DNAH14: variants seen among roughly 807,000 people sequenced by gnomAD.
DNAH14 encodes dynein axonemal heavy chain 14.
In DNAH14, 478 loss-of-function variants were observed where a neutral mutation model predicts 520.9. The ratio of observed to expected loss-of-function variants is 0.92; its 90% CI spans 0.85 to 0.99. The LOEUF is 0.99. DNAH14 is among the 50% of genes least tolerant of loss of function. DNAH14 has a pLI of 0.00. For synonymous variants in DNAH14, 1,581 were observed against 1,757.2 expected, an observed-to-expected ratio of 0.90 and a Z score of 2.51; for missense variants, 4,831 against 5,234.5, an observed-to-expected ratio of 0.92 and a Z score of 2.38.
At chr1:224,981,630 A>G (rs921731868) in intron 8 of DNAH14, among the ~76,000 whole-genome samples, 2 of 152,092 alleles carry the variant, frequency 1.3e-5, no homozygotes, top group African/African-American at 4.8e-5. Context: ...GTCAGTTGTA[A>G]TATCTCCTGT....
intron 31 of DNAH14, among the ~76,000 whole-genome samples, chr1:225,150,183 G>A (rs755822352): frequency 6.6e-6 from 1 of 152,106 alleles, no homozygotes; most frequent in Non-Finnish European, 1.5e-5. Flanking sequence ...TTTTGTTTAT[G>A]TAATGAATAT....
chr1:224,997,266 A>G (rs1262957647), intron 8 of DNAH14, among the ~76,000 whole-genome samples: 1 of 152,106 alleles, frequency 6.6e-6, no homozygotes, highest in Non-Finnish European at 1.5e-5. Context: ...TGGGAAGCAT[A>G]TCAGAATGCC....
intron 7 of DNAH14, chr1:224,969,281 G>T (rs966499008): frequency 5.8e-6 from 1 of 173,216 alleles, no homozygotes; most frequent in Non-Finnish European, 1.2e-5. Context: ...CCCTACAGTT[G>T]ACTCTGGAAC....
chr1:224,989,507 C>T (rs10915757), intron 8 of DNAH14, among the ~76,000 whole-genome samples: 2 of 151,934 alleles, frequency 1.3e-5, no homozygotes, highest in Non-Finnish European at 2.9e-5. Context: ...TATTGGTTAT[C>T]TGTAAATAGG....
At chr1:225,227,651 T>C (rs1334129434) in intron 41 of DNAH14, among the ~76,000 whole-genome samples, 1 of 152,140 alleles carries the variant, frequency 6.6e-6, no homozygotes, top group Non-Finnish European at 1.5e-5. Flanking sequence ...AGTTTCATAG[T>C]CACATCCCAT....
intron 84 of DNAH14, among the ~76,000 whole-genome samples, chr1:225,394,788 G>A (rs1192620581): frequency 2.6e-5 from 4 of 151,244 alleles, no homozygotes; most frequent in South Asian, 4.2e-4. Context: ...AGGTTGCAGT[G>A]AGCAGAGATC....
chr1:224,946,686 T>C (rs2059855593), intron 1 of DNAH14, among the ~76,000 whole-genome samples: 1 of 152,190 alleles, frequency 6.6e-6, no homozygotes, highest in African/African-American at 2.4e-5. Context: ...GTTTTTAAGT[T>C]ATTCACTATC....
intron 4 of DNAH14, among the ~76,000 whole-genome samples, chr1:224,962,180 A>G (rs1020305595): frequency 6.6e-6 from 1 of 152,138 alleles, no homozygotes; most frequent in African/African-American, 2.4e-5. Flanking sequence ...CCTCTGGTGT[A>G]CATGCTTTGT....
chr1:225,184,322 TAAA>T (rs2084408355), intron 36 of DNAH14, among the ~76,000 whole-genome samples: 1 of 151,648 alleles, frequency 6.6e-6, no homozygotes, highest in Non-Finnish European at 1.5e-5. Flanking sequence ...TAAACAGAAT[TAAA>T]AACCATATGA....
rs1221589526 is a variant in DNAH14, at chr1:225,104,786, A to G, written c.3867+3902A>G. ...TTGATTCTTCTCTCTTTTCTTCTCT[A>G]TTAGTCTTGCTAGCGGTCTATCAAT... is the stretch of plus-strand genomic sequence containing the variant. On this transcript the variant is annotated intron_variant, in intron 23 of 85. Transcript: ENST00000682510. Among the ~76,000 whole-genome samples the G allele has an allele frequency of 2.0e-5, 3 of 151,490 alleles. No homozygotes were observed. The South Asian group carries it at 6.3e-4, about 32-fold the overall frequency.
chr1:225,145,916 TGTTTTGCATGTTAA>T lies in DNAH14; in HGVS notation c.4794+540_4794+553del, dbSNP rs2079890250. Among the ~76,000 whole-genome samples the T allele has an allele frequency of 3.3e-5, 5 of 152,364 alleles. No individual in the cohort carries two copies. In the South Asian group the frequency reaches 1.0e-3, roughly 32 times the overall value. On this transcript the variant is annotated intron_variant, in intron 30 of 85. Coordinates refer to ENST00000682510, the MANE Select transcript of DNAH14 (RefSeq NM_001367479.1). ...CTCAAAGTTTCAAAATACTGCAATT[TGTTTTGCATGTTAA>T]GTCCAAACATTCTACATTTTATTGT... is the stretch of plus-strand genomic sequence containing the variant.
At chr1:225,358,802 A>AT in intron 74 of DNAH14, 150 bp downstream of exon 74, 1 of 769,838 alleles carries the variant, frequency 1.3e-6, no homozygotes, top group Non-Finnish European at 2.0e-6. Context: ...GGTTCCCCCC[A>AT]TGCTGTTCTC....
chr1:225,101,945 G>A lies in DNAH14; in HGVS notation c.3867+1061G>A, dbSNP rs568566716. Among the ~76,000 whole-genome samples the A allele has an allele frequency of 2.0e-5, 3 of 151,730 alleles. No individual in the cohort carries two copies. In the East Asian group the frequency reaches 5.8e-4, roughly 29 times the overall value. On this transcript the variant is annotated intron_variant, in intron 23 of 85. Transcript: ENST00000682510. ...TTAGGGTACATGTGCACAACGTGCAGGTTAGTTACATATGTATACATGTGC... is the reference window on the plus strand; with the variant it reads ...TTAGGGTACATGTGCACAACGTGCAAGTTAGTTACATATGTATACATGTGC...
At chr1:225,190,319 C>G (rs1392095787) in intron 37 of DNAH14, among the ~76,000 whole-genome samples, 2 of 151,698 alleles carry the variant, frequency 1.3e-5, no homozygotes, top group East Asian at 3.9e-4. Context: ...CTGTATTCAC[C>G]CTTCTTCTTG....
chr1:225,205,607 T>C (rs935402801), intron 39 of DNAH14, among the ~76,000 whole-genome samples: 1 of 152,212 alleles, frequency 6.6e-6, no homozygotes, highest in African/African-American at 2.4e-5. Flanking sequence ...TTCCCTTTGC[T>C]ATTCCCCAAG....
chr1:225,240,475 C>T, intron 42 of DNAH14, 118 bp from the exon 43 acceptor site: 1 of 615,272 alleles, frequency 1.6e-6, no homozygotes. Flanking sequence ...TATGTTAGTA[C>T]CTAACTGCAT....
intron 10 of DNAH14, among the ~76,000 whole-genome samples, chr1:225,016,591 C>T (rs1259250605): frequency 1.3e-5 from 2 of 152,090 alleles, no homozygotes; most frequent in Admixed American, 1.3e-4. Context: ...ATTTCTCTTC[C>T]AAGACATGGG....
intron 83 of DNAH14, among the ~76,000 whole-genome samples, chr1:225,391,287 C>G (rs971830385): frequency 2.0e-5 from 3 of 152,050 alleles, no homozygotes; most frequent in African/African-American, 7.2e-5. Context: ...TGGAGAAGAA[C>G]AAGACTGGGT....
intron 8 of DNAH14, among the ~76,000 whole-genome samples, chr1:224,975,573 T>C (rs2061767475): frequency 6.6e-6 from 1 of 151,632 alleles, no homozygotes; most frequent in African/African-American, 2.4e-5. Context: ...GGTGGTGATA[T>C]CCCCTTTATC....
Sources: allele counts gnomAD v4.1 joint callset (sites outside exome capture counted in the v4.1 genomes callset), GRCh38; gene constraint gnomAD v4.1.1; transcripts MANE v1.5; gene names NCBI Gene and HGNC (gene_info 2026-07-23, HGNC 2026-07-21).